C9orf152: variants seen among roughly 807,000 people sequenced by gnomAD.
C9orf152 encodes the protein uncharacterized protein C9orf152.
In C9orf152, 8 loss-of-function variants were observed where a neutral mutation model predicts 8.5. The ratio of observed to expected loss-of-function variants is 0.94; its 90% confidence interval spans 0.55 to 1.70. C9orf152 has a LOEUF of 1.70. C9orf152 is among the 40% of genes most tolerant of loss of function. C9orf152 has a pLI of 0.00. For synonymous variants in C9orf152, 109 were observed against 113.0 expected, an observed-to-expected ratio of 0.96 and a Z score of 0.22; for missense variants, 293 against 286.2, an observed-to-expected ratio of 1.02 and a Z score of -0.17.
In C9orf152 at chr9:110,201,371, C is replaced by G. The variant is rs752158560; in HGVS notation, c.297G>C (p.Glu99Asp). 1 of 1,601,902 alleles carries G rather than the reference C, an allele frequency of 6.2e-7. No homozygotes were observed. The highest frequency in any genetic ancestry group is 1.7e-5 in the Admixed American group (1 of 58,422). Residue 99 changes from glutamate to aspartate, a missense_variant, in exon 2 of 2, where the codon GAG becomes GAC. Transcript: ENST00000400613. ...CCTGGGCAGCCTCCTCCAGCCTCCCCTCCACCTCAGAATCTGCCTCTTCCA... is the reference window on the plus strand; with the variant it reads ...CCTGGGCAGCCTCCTCCAGCCTCCCGTCCACCTCAGAATCTGCCTCTTCCA... ...LSLEEADSEV[E>D]GRLEEAAQGC... is the part of the protein sequence containing the mutation.
At chr9:110,205,924 G>T (rs1459779783) in intron 1 of C9orf152, among the ~76,000 whole-genome samples, 1 of 152,112 alleles carries the variant, frequency 6.6e-6, no homozygotes. Flanking sequence ...GAGCATGGTG[G>T]CAGGTGCCTG....
intron 1 of C9orf152, 42 bp from the exon 2 acceptor site, chr9:110,201,516 CA>C (rs1837221712): frequency 6.7e-7 from 1 of 1,485,844 alleles, no homozygotes; most frequent in Non-Finnish European, 8.9e-7. Context: ...CTGGAAGGGA[CA>C]GGGGCGGCTC....
rs1164594626 is a variant in C9orf152 at position 110,199,747 on chromosome 9, C to G, written c.*1201G>C. 6.6e-6 allele frequency: 1 copy of G among 152,060 alleles called. No individual in the cohort carries two copies. The highest frequency in any genetic ancestry group is 1.9e-4 in the East Asian group (1 of 5,192). 9.4% of individuals were successfully genotyped at this position (152,060 alleles called of 1,614,324 possible). On this transcript the variant is annotated 3_prime_UTR_variant, in exon 2 of 2. Coordinates refer to ENST00000400613, the MANE Select transcript of C9orf152 (RefSeq NM_001012993.3). ...CAGCTCTGGATGTAGATGGGCAAGA[C>G]TGGACGGCCATGCAGAGAAAAGAAA...
Position 110,200,517 on chromosome 9 carries a change from G to A in C9orf152, c.*431C>T, listed in dbSNP as rs1213895476. 1 of 156,600 alleles carries A rather than the reference G, an allele frequency of 6.4e-6. No individual in the cohort carries two copies. Among genetic ancestry groups the A allele is most frequent in the Admixed American group, 6.4e-5 (1 of 15,586 alleles). The allele number at this position is 156,600 out of a possible 1,614,324, so 9.7% of individuals were successfully genotyped here. Reference sequence around the variant, plus strand: ...AGAGCTTGTCTTCTCCAGAATATATGAGAAATCATCAGAAGACATTGAAAA... The same window carrying A: ...AGAGCTTGTCTTCTCCAGAATATATAAGAAATCATCAGAAGACATTGAAAA... On this transcript the variant is annotated 3_prime_UTR_variant, in exon 2 of 2. Coordinates refer to ENST00000400613, the MANE Select transcript of C9orf152 (RefSeq NM_001012993.3).
At position 110,200,836 on chromosome 9, in the gene C9orf152, T is replaced by C; in HGVS notation, c.*112A>G. ...GTCTCCCACAATTCCTATAATTAGG[T>C]TAGTCCAGTTCTTGCTCATAGCTAG... On this transcript the variant is annotated 3_prime_UTR_variant, in exon 2 of 2. Coordinates refer to ENST00000400613, the MANE Select transcript of C9orf152 (RefSeq NM_001012993.3). The C allele has an allele frequency of 2.0e-6, 2 of 1,022,804 alleles. No homozygotes were observed. The highest frequency in any genetic ancestry group is 2.9e-6 in the Non-Finnish European group (2 of 690,464). 63.4% of individuals were successfully genotyped at this position (1,022,804 alleles called of 1,614,324 possible).
At position 110,207,581 on chromosome 9, in the gene C9orf152, C is replaced by T. The variant is rs752063916; in HGVS notation, c.-2G>A. On this transcript the variant is annotated 5_prime_UTR_variant, in exon 1 of 2. Transcript: ENST00000400613. ...GCACGGGCAGGGCAACCCCTCCATC[C>T]GGATCCGGGAGAAAAGCAAACACAG... The T allele has an allele frequency of 5.8e-5, 91 of 1,574,126 alleles. 1 individual carries two copies. The highest frequency in any genetic ancestry group is 3.3e-4 in the Admixed American group (17 of 51,772).
chr9:110,207,299 G>T, intron 1 of C9orf152, 88 bp downstream of exon 1: 3 of 1,455,060 alleles, frequency 2.1e-6, no homozygotes, highest in African/African-American at 1.4e-5. Flanking sequence ...GGGAGGGCTG[G>T]CAAAGCCCTG....
chr9:110,201,737 G>T (rs142311202), intron 1 of C9orf152, among the ~76,000 whole-genome samples: 1 of 152,098 alleles, frequency 6.6e-6, no homozygotes, highest in Non-Finnish European at 1.5e-5. Context: ...TATGTGCCAG[G>T]CATTATTTAT....
chr9:110,201,310 G>A lies in C9orf152; in HGVS notation c.358C>T (p.His120Tyr), dbSNP rs1468938611. ...TGGACCAAACAATGCATCTCCAGGT[G>A]CGTGTGCCATGGAGACTTGGGGGCC... ...LQAPKSPWHT[H>Y]LEMHCLVQTS... Residue 120 changes from histidine to tyrosine, a missense_variant, in exon 2 of 2, where the codon CAC (histidine) becomes TAC (tyrosine). Transcript: ENST00000400613. 1.9e-6 allele frequency: 3 copies of A among 1,613,614 alleles called. No homozygotes were observed. The highest frequency in any genetic ancestry group is 2.5e-6 in the Non-Finnish European group (3 of 1,179,804).
intron 1 of C9orf152, among the ~76,000 whole-genome samples, chr9:110,203,303 G>T (rs571745434): frequency 1.1e-3 from 170 of 152,238 alleles, no homozygotes; most frequent in Non-Finnish European, 2.2e-3. Flanking sequence ...GATTACAGGC[G>T]TGAGCCACCG....
At chr9:110,202,712 A>C (rs951908274) in intron 1 of C9orf152, among the ~76,000 whole-genome samples, 1 of 152,100 alleles carries the variant, frequency 6.6e-6, no homozygotes, top group Non-Finnish European at 1.5e-5. Context: ...ACCAGCTTGG[A>C]GCTCCTCAGA....
At position 110,205,031 on chromosome 9, in the gene C9orf152, G is replaced by T. The variant is rs61675115; in HGVS notation, c.193+2356C>A. 2.0e-5 allele frequency among the ~76,000 whole-genome samples: 3 copies of T among 152,056 alleles called. No individual in the cohort carries two copies. The East Asian group carries it at 5.8e-4, about 29-fold the overall frequency. ...TTCCCTGGCTTCATTTCCTCCTCTT[G>T]TTCCTTAAATATTTGAGTATTCCAG... On this transcript the variant is annotated intron_variant, in intron 1 of 1. Coordinates refer to ENST00000400613, the MANE Select transcript of C9orf152 (RefSeq NM_001012993.3).
chr9:110,206,387 T>C (rs1394912771), intron 1 of C9orf152, among the ~76,000 whole-genome samples: 2 of 152,208 alleles, frequency 1.3e-5, no homozygotes, highest in Admixed American at 6.5e-5. Context: ...AATTGATAAA[T>C]GTTTGTTGAA....
At chr9:110,204,848 T>C (rs962900941) in intron 1 of C9orf152, among the ~76,000 whole-genome samples, 2 of 152,212 alleles carry the variant, frequency 1.3e-5, no homozygotes, top group African/African-American at 4.8e-5. Flanking sequence ...ATACCTCATG[T>C]AAATGGGATT....
In C9orf152 at chr9:110,207,367, C is replaced by T. The variant is rs750604670; in HGVS notation, c.193+20G>A. On this transcript the variant is annotated intron_variant, in intron 1 of 1. Transcript: ENST00000400613. ...CTCCCATGGTAAGTCTCTCCTTCCC[C>T]AGCACCTGTCCATTCCTACCTTTTG... The T allele has an allele frequency of 8.1e-6, 13 of 1,607,008 alleles. No homozygotes were observed. Among genetic ancestry groups the T allele is most frequent in the Non-Finnish European group, 1.1e-5 (13 of 1,177,218 alleles).
rs1222395250 is a variant in C9orf152, at chr9:110,207,406, G to A, written c.174C>T (p.His58=). 4.3e-6 allele frequency: 7 copies of A among 1,612,352 alleles called. No individual in the cohort carries two copies. The highest frequency in any genetic ancestry group is 3.3e-5 in the South Asian group (3 of 90,792). Residue 58 remains histidine, a synonymous_variant, in exon 1 of 2, where the codon CAC becomes CAT. Coordinates refer to ENST00000400613, the MANE Select transcript of C9orf152 (RefSeq NM_001012993.3). ...GLKRQQRTQA[H]LLVLPKGGNT... Reference sequence around the variant, plus strand: ...TCCTACCTTTTGGAAGCACCAGGAGGTGGGCCTGGGTCCTCTGCTGCCTCT... The same window carrying A: ...TCCTACCTTTTGGAAGCACCAGGAGATGGGCCTGGGTCCTCTGCTGCCTCT...
Position 110,201,278 on chromosome 9 carries a change from G to A in C9orf152, c.390C>T (p.Ser130=). 2.5e-6 allele frequency: 4 copies of A among 1,614,060 alleles called. No homozygotes were observed. The highest frequency in any genetic ancestry group is 1.7e-4 in the Middle Eastern group (1 of 6,060). The change falls in exon 2 of 2, where the codon TCC becomes TCT. Residue 130 remains serine, a synonymous_variant. Coordinates refer to ENST00000400613, the MANE Select transcript of C9orf152 (RefSeq NM_001012993.3). The part of the protein sequence containing the change: ...HLEMHCLVQT[S]PQDTSHQVHH... ...GTACTTGATGACTGGTGTCCTGGGG[G>A]GAGGTTTGGACCAAACAATGCATCT...
intron 1 of C9orf152, among the ~76,000 whole-genome samples, chr9:110,206,988 A>C (rs1424836094): frequency 6.6e-6 from 1 of 152,218 alleles, no homozygotes; most frequent in East Asian, 1.9e-4. Flanking sequence ...TGGCCCAGAC[A>C]GTTCCCAGGC....
rs189779800 is a variant in C9orf152, at chr9:110,207,648, G to A, written c.-69C>T. The A allele has an allele frequency of 2.1e-4, 252 of 1,219,586 alleles. No homozygotes were observed. The African/African-American group carries it at 3.3e-3, about 16-fold the overall frequency. The allele number at this position is 1,219,586 out of a possible 1,614,324, so 75.5% of individuals were successfully genotyped here. A position where few individuals can be genotyped will look rare whatever the true frequency, so the allele number is the denominator to read the frequency against. On this transcript the variant is annotated 5_prime_UTR_variant, in exon 1 of 2. Transcript: ENST00000400613. Reference sequence around the variant, plus strand: ...CTGGGGAGGGGAGAGAGAGGGAGGGGGCAGTGAGGGAGAAGGAGAAGTGAC... The same window carrying A: ...CTGGGGAGGGGAGAGAGAGGGAGGGAGCAGTGAGGGAGAAGGAGAAGTGAC...
Sources: gnomAD v4.1 joint callset for allele counts (sites outside exome capture counted in the v4.1 genomes callset) on GRCh38, gnomAD v4.1.1 for gene constraint, MANE v1.5 for transcripts, NCBI Gene and HGNC (gene_info 2026-07-23, HGNC 2026-07-21) for gene names.